CAPN11: variants seen among roughly 807,000 people sequenced by gnomAD.
The protein encoded by CAPN11 is calpain-11.
CAPN11 carries 108 observed loss-of-function variants against 105.3 expected under a neutral mutation model. The ratio of observed to expected loss-of-function variants is 1.03; its 90% confidence interval spans 0.88 to 1.20. The LOEUF (loss-of-function observed/expected upper bound fraction) is 1.20. Among genes scored for constraint, CAPN11 ranks in the 50% most tolerant of loss-of-function variants. CAPN11 has a pLI of 0.00. For synonymous variants in CAPN11, 329 were observed against 344.5 expected (o/e 0.96, Z 0.50); for missense variants, 883 against 924.8 (o/e 0.95, Z 0.59).
intron 12 of CAPN11, among the ~76,000 whole-genome samples, chr6:44,178,033 G>A (rs573251106): frequency 7.2e-5 from 11 of 151,832 alleles, no homozygotes; most frequent in East Asian, 3.9e-4. Flanking sequence ...AAAATTTTTC[G>A]TAAGATAGGG....
chr6:44,179,730 T>TG, intron 13 of CAPN11, 100 bp downstream of exon 13: 1 of 1,242,406 alleles, frequency 8.0e-7, no homozygotes, highest in Non-Finnish European at 1.2e-6. Flanking sequence ...CGAGAGGCTC[T>TG]GGGGGTCACT....
intron 1 of CAPN11, among the ~76,000 whole-genome samples, chr6:44,165,533 A>T (rs1424992461): frequency 1.3e-5 from 2 of 152,144 alleles, no homozygotes; most frequent in Non-Finnish European, 2.9e-5. Flanking sequence ...GAGAGATGCT[A>T]AGAGGGTGCA....
chr6:44,158,823 T>C lies in CAPN11; in HGVS notation c.-26T>C. 6.4e-7 allele frequency: 1 copy of C among 1,550,734 alleles called. No homozygotes were observed. The highest frequency in any genetic ancestry group is 8.7e-7 in the Non-Finnish European group (1 of 1,146,422). On this transcript the variant is annotated 5_prime_UTR_variant, in exon 1 of 23. Coordinates refer to ENST00000398776, the MANE Select transcript of CAPN11 (RefSeq NM_007058.4). ...TCCCCCTCCCACCAGAACCTTCAAC[T>C]GTCAAGCACCGAGCTAGCCACCAGC...
chr6:44,172,865 G>C, intron 5 of CAPN11, 75 bp from the exon 6 acceptor site: 1 of 1,496,894 alleles, frequency 6.7e-7, no homozygotes. Flanking sequence ...ACACTGGCGT[G>C]TCATCAGGTC....
At chr6:44,183,650 T>C (rs1431742781) in intron 21 of CAPN11, 55 bp from the exon 22 acceptor site, 4 of 1,563,084 alleles carry the variant, frequency 2.6e-6, no homozygotes, top group Middle Eastern at 1.7e-4. Flanking sequence ...GAGTGGTTCT[T>C]TCGGAACACT....
In CAPN11 at chr6:44,173,177, C is replaced by T. The variant is rs769874215; in HGVS notation, c.663-41C>T. On this transcript the variant is annotated intron_variant, in intron 6 of 22. Coordinates refer to ENST00000398776, the MANE Select transcript of CAPN11 (RefSeq NM_007058.4). ...GCAGGACATCCCTCCCTCCCCTCACCTCCATCCTAGAGCCCAACAGTGCCT... is the reference window on the plus strand; with the variant it reads ...GCAGGACATCCCTCCCTCCCCTCACTTCCATCCTAGAGCCCAACAGTGCCT... The T allele has an allele frequency of 4.4e-6, 7 of 1,608,820 alleles. No individual in the cohort carries two copies. In the South Asian group the frequency reaches 5.5e-5, roughly 13 times the overall value.
chr6:44,177,131 G>A, intron 11 of CAPN11, 111 bp from the exon 12 acceptor site: 1 of 1,462,558 alleles, frequency 6.8e-7, no homozygotes, highest in Non-Finnish European at 9.3e-7. Context: ...AGATTTCACA[G>A]CCCCTGTGGA....
At chr6:44,177,926 C>T (rs1035453733) in intron 12 of CAPN11, among the ~76,000 whole-genome samples, 4 of 152,094 alleles carry the variant, frequency 2.6e-5, no homozygotes, top group Non-Finnish European at 4.4e-5. Context: ...GGCGTGATTA[C>T]GGCTCACAGC....
chr6:44,159,962 G>A (rs1471516933), intron 1 of CAPN11, among the ~76,000 whole-genome samples: 7 of 152,010 alleles, frequency 4.6e-5, no homozygotes, highest in South Asian at 2.1e-4. Flanking sequence ...TAGTGAAACC[G>A]TGTCTCTACT....
chr6:44,166,576 T>TG (rs990013698), intron 1 of CAPN11, among the ~76,000 whole-genome samples, 182 bp from the exon 2 acceptor site: 4 of 152,184 alleles, frequency 2.6e-5, no homozygotes, highest in Admixed American at 6.5e-5. Flanking sequence ...CTCACCCTTC[T>TG]GTGGGCTCAA....
At position 44,182,414 on chromosome 6, in the gene CAPN11, TATC is replaced by T. The variant is rs1300242616; in HGVS notation, c.1939-523_1939-521del. Among the ~76,000 whole-genome samples, 9 of 152,266 alleles carry T rather than the reference TATC, an allele frequency of 5.9e-5. No homozygotes were observed. In the East Asian group the frequency reaches 1.5e-3, roughly 26 times the overall value. Reference sequence around the variant, plus strand: ...TATTTTATAACAAGTATAGCTCAGGTATCATCTAGTCATGAAGGATGCACACAA... The same window carrying T: ...TATTTTATAACAAGTATAGCTCAGGTATCTAGTCATGAAGGATGCACACAA... On this transcript the variant is annotated intron_variant, in intron 19 of 22. Transcript: ENST00000398776.
At chr6:44,172,791 C>T (rs1325894592) in intron 5 of CAPN11, 149 bp from the exon 6 acceptor site, 8 of 870,134 alleles carry the variant, frequency 9.2e-6, no homozygotes, top group Non-Finnish European at 1.2e-5. Flanking sequence ...GGAGGCGGGG[C>T]CGGGCTCAGG....
In CAPN11 at chr6:44,176,066, AG is replaced by A. The variant is rs756134583; in HGVS notation, c.832del. 3.1e-6 allele frequency: 5 copies of A among 1,605,870 alleles called. No individual in the cohort carries two copies. Among genetic ancestry groups the A allele is most frequent in the Non-Finnish European group, 4.3e-6 (5 of 1,174,498 alleles). On this transcript the variant is annotated splice_acceptor_variant, in intron 7 of 22. Coordinates refer to ENST00000398776, the MANE Select transcript of CAPN11 (RefSeq NM_007058.4). LOFTEE classifies it high-confidence loss of function. Reference sequence around the variant, plus strand: ...TGCTCTCCCTCCCTCTCTGTTCTGTAGGTCACCAGTGATAGTGAACTGGAAT... The same window carrying A: ...TGCTCTCCCTCCCTCTCTGTTCTGTAGTCACCAGTGATAGTGAACTGGAAT...
rs747195257 is a variant in CAPN11, at chr6:44,176,928, C to G, written c.1167C>G (p.Tyr389Ter). Residue 389 changes from tyrosine (Y) to a stop codon, truncating the protein, a stop_gained, in exon 11 of 23, where the codon TAC becomes TAG. Transcript: ENST00000398776. LOFTEE classifies it high-confidence loss of function. ...CACTCTCTGGGGACTACAAGAGCTA[C>G]TGGCACACCACCTTCTACGAGGGCA... is the stretch of plus-strand genomic sequence containing the variant. ...PDTLSGDYKSYWHTTFYEGSW... is the reference protein window; with the variant it reads ...PDTLSGDYKS 1.2e-6 allele frequency: 2 copies of G among 1,613,992 alleles called. No homozygotes were observed. Among genetic ancestry groups the G allele is most frequent in the East Asian group, 2.2e-5 (1 of 44,880 alleles).
At chr6:44,176,388 GT>G in intron 9 of CAPN11, 50 bp downstream of exon 9, 1 of 1,528,476 alleles carries the variant, frequency 6.5e-7, no homozygotes, top group Admixed American at 1.7e-5. Context: ...ACAGCAGGCG[GT>G]GCCAGGTGGA....
In CAPN11 at chr6:44,180,746, AG is replaced by A; in HGVS notation, c.1748del. On this transcript the variant is annotated splice_acceptor_variant, in intron 16 of 22. Coordinates refer to ENST00000398776, the MANE Select transcript of CAPN11 (RefSeq NM_007058.4). LOFTEE classifies it high-confidence loss of function. ...AGTGGGGTTCACAGTTCCCCTTCCT[AG>A]GGCAAGGAGATAGGGGTGTATGAGC... 1 of 1,613,524 alleles carries A rather than the reference AG, an allele frequency of 6.2e-7. No homozygotes were observed.
chr6:44,162,549 T>C (rs1000506446), intron 1 of CAPN11, among the ~76,000 whole-genome samples: 17 of 152,098 alleles, frequency 1.1e-4, no homozygotes, highest in Admixed American at 1.1e-3. Context: ...ACTCTGGCTC[T>C]ACCCACCCTC....
chr6:44,179,865 C>G, intron 13 of CAPN11, 87 bp from the exon 14 acceptor site: 1 of 1,126,378 alleles, frequency 8.9e-7, no homozygotes, highest in Non-Finnish European at 1.3e-6. Flanking sequence ...TACCTCCAAC[C>G]CTGCCCGGCC....
intron 3 of CAPN11, 89 bp downstream of exon 3, chr6:44,169,620 C>T: frequency 7.7e-7 from 1 of 1,299,118 alleles, no homozygotes; most frequent in Non-Finnish European, 1.0e-6. Flanking sequence ...AATCTTCAAC[C>T]CCCCACTACC....
Sources: allele counts gnomAD v4.1 joint callset (sites outside exome capture counted in the v4.1 genomes callset), GRCh38; gene constraint gnomAD v4.1.1; transcripts MANE v1.5; gene names NCBI Gene and HGNC (gene_info 2026-07-23, HGNC 2026-07-21).